Variants in SLC7A14 observed in about 807,000 individuals in gnomAD.
SLC7A14 encodes the protein gamma-aminobutyric acid transporter SLC7A14.
A neutral mutation model predicts 60.2 loss-of-function variants in SLC7A14; 37 were observed. The ratio of observed to expected loss-of-function variants is 0.61; its 90% CI spans 0.47 to 0.81. The LOEUF (loss-of-function observed/expected upper bound fraction) is 0.81. SLC7A14 is among the 30% of genes least tolerant of loss of function. The pLI is 0.00. For missense variants in SLC7A14, 886 were observed against 982.7 expected (o/e 0.90, Z 1.32); for synonymous variants, 399 against 395.8 (o/e 1.01, Z -0.10).
In SLC7A14 at chr3:170,486,385, A is replaced by G. The variant is rs760199199; in HGVS notation, c.760-17T>C. ...TTGCAGCACCTGTGTGGATGATGGC[A>G]TTTGTCAGACTCAGAAGATCGGGGT... is the stretch of plus-strand genomic sequence containing the variant. On this transcript the variant is annotated splice_polypyrimidine_tract_variant and intron_variant, in intron 4 of 7. Coordinates refer to ENST00000231706, the MANE Select transcript of SLC7A14 (RefSeq NM_020949.3). The G allele has an allele frequency of 1.9e-6, 3 of 1,614,150 alleles. No homozygotes were observed. In the South Asian group the frequency reaches 3.3e-5, roughly 18 times the overall value.
intron 1 of SLC7A14, among the ~76,000 whole-genome samples, chr3:170,560,952 T>A (rs552483282): frequency 6.6e-6 from 1 of 152,292 alleles, no homozygotes; most frequent in Non-Finnish European, 1.5e-5. Context: ...TAGTAAGTAA[T>A]AACCACTTTA....
chr3:170,460,141 C>T lies in SLC7A14; in HGVS notation c.*6914G>A, dbSNP rs569665066. On this transcript the variant is annotated 3_prime_UTR_variant, in exon 8 of 8. Coordinates refer to ENST00000231706, the MANE Select transcript of SLC7A14 (RefSeq NM_020949.3). Reference sequence around the variant, plus strand: ...CTTTAACAAATACAGCAATTTCATACCAAAAAAAGATAGCAGAGAACAACA... The same window carrying T: ...CTTTAACAAATACAGCAATTTCATATCAAAAAAAGATAGCAGAGAACAACA... 4.6e-5 allele frequency: 7 copies of T among 152,058 alleles called. No homozygotes were observed. In the South Asian group the frequency reaches 1.5e-3, roughly 32 times the overall value. The allele number at this position is 152,058 out of a possible 1,614,324, so 9.4% of individuals were successfully genotyped here. A position where few individuals can be genotyped will look rare whatever the true frequency, so the allele number is the denominator to read the frequency against.
intron 4 of SLC7A14, among the ~76,000 whole-genome samples, chr3:170,487,404 A>G (rs1712069867): frequency 6.6e-6 from 1 of 151,582 alleles, no homozygotes; most frequent in Non-Finnish European, 1.5e-5. Context: ...ATATTTTTGG[A>G]CTTGTGTGTA....
chr3:170,499,274 C>T (rs964599933), intron 3 of SLC7A14, among the ~76,000 whole-genome samples: 2 of 108,710 alleles, frequency 1.8e-5, no homozygotes, highest in African/African-American at 1.1e-4. Flanking sequence ...AAAAGAAGGG[C>T]AGTAAGTCTT....
intron 1 of SLC7A14, among the ~76,000 whole-genome samples, chr3:170,582,540 G>C (rs1381705379): frequency 3.3e-5 from 5 of 152,174 alleles, no homozygotes; most frequent in Non-Finnish European, 7.4e-5. Context: ...ACAGGGCCCA[G>C]AGCACCTCAG....
At chr3:170,486,405 CG>C (rs1712032732) in intron 4 of SLC7A14, 37 bp from the exon 5 acceptor site, 9 of 1,613,864 alleles carry the variant, frequency 5.6e-6, no homozygotes, top group Non-Finnish European at 7.6e-6. Flanking sequence ...CTCAGAAGAT[CG>C]GGGTGGCACC....
At chr3:170,523,914 A>C (rs1054195392) in intron 2 of SLC7A14, among the ~76,000 whole-genome samples, 20 of 152,276 alleles carry the variant, frequency 1.3e-4, no homozygotes, top group African/African-American at 4.6e-4. Context: ...CCTGCTATAA[A>C]TATGCTAACA....
Position 170,498,672 on chromosome 3 carries a change from A to G in SLC7A14, c.754T>C (p.Ser252Pro). The G allele has an allele frequency of 6.2e-7, 1 of 1,614,158 alleles. No individual in the cohort carries two copies. The highest frequency in any genetic ancestry group is 8.5e-7 in the Non-Finnish European group (1 of 1,180,024). Reference sequence around the variant, plus strand: ...GGTGTTTGGAACAAACTTACCCCTGACCAGCCGTGGGGCAAGAACTGGCCC... The same window carrying G: ...GGTGTTTGGAACAAACTTACCCCTGGCCAGCCGTGGGGCAAGAACTGGCCC... Reference protein sequence around the residue: ...AEGQFLPHGWSGVLQGAATCF... With the variant: ...AEGQFLPHGWPGVLQGAATCF... The change falls in exon 4 of 8, where the codon TCA becomes CCA. Residue 252 changes from serine (S) to proline (P), a missense_variant. Transcript: ENST00000231706.
At chr3:170,542,803 TTTA>T (rs1714061075) in intron 1 of SLC7A14, among the ~76,000 whole-genome samples, 1 of 152,186 alleles carries the variant, frequency 6.6e-6, no homozygotes, top group Non-Finnish European at 1.5e-5. Flanking sequence ...GGACATGTCC[TTTA>T]GAAGATTTTT....
At chr3:170,574,498 T>G (rs575396026) in intron 1 of SLC7A14, among the ~76,000 whole-genome samples, 160 of 152,356 alleles carry the variant, frequency 1.1e-3, no homozygotes, top group African/African-American at 3.7e-3. Flanking sequence ...TATTCTCAAA[T>G]GATGGGAGCC....
intron 3 of SLC7A14, among the ~76,000 whole-genome samples, chr3:170,499,372 G>C (rs1413184936): frequency 6.7e-6 from 1 of 150,344 alleles, no homozygotes; most frequent in African/African-American, 2.5e-5. Context: ...TTGCAAATGA[G>C]CAGGATTTGG....
chr3:170,474,423 C>T (rs2108265592), intron 7 of SLC7A14, among the ~76,000 whole-genome samples: 1 of 152,316 alleles, frequency 6.6e-6, no homozygotes, highest in South Asian at 2.1e-4. Flanking sequence ...CTCACGATTG[C>T]ATGATCCACC....
At chr3:170,496,785 A>C in intron 4 of SLC7A14, 1 of 715,010 alleles carries the variant, frequency 1.4e-6, no homozygotes, top group East Asian at 2.6e-5. Context: ...GCTCCAGCTC[A>C]TTCAGCCGCA....
intron 4 of SLC7A14, among the ~76,000 whole-genome samples, chr3:170,490,206 A>G (rs74368958): frequency 0.13 from 19,191 of 152,234 alleles, 1,354 homozygotes; most frequent in Admixed American, 0.19. Context: ...CATGTACCCC[A>G]TAAATATATA....
intron 4 of SLC7A14, chr3:170,496,546 G>T: frequency 6.3e-7 from 1 of 1,591,628 alleles, no homozygotes; most frequent in Admixed American, 1.7e-5. Flanking sequence ...CAGCAGCTGC[G>T]TGAGTACCAG....
intron 4 of SLC7A14, among the ~76,000 whole-genome samples, chr3:170,494,292 G>A (rs1712314097): frequency 6.6e-6 from 1 of 152,214 alleles, no homozygotes; most frequent in South Asian, 2.1e-4. Flanking sequence ...TTGTCACAAA[G>A]AAAATGTTCA....
intron 7 of SLC7A14, among the ~76,000 whole-genome samples, chr3:170,477,095 T>C (rs1379165756): frequency 6.6e-6 from 1 of 152,254 alleles, no homozygotes; most frequent in Non-Finnish European, 1.5e-5. Context: ...CCTGATGCTA[T>C]GTGTTAGGCT....
At chr3:170,568,234 C>T (rs1038755217) in intron 1 of SLC7A14, among the ~76,000 whole-genome samples, 2 of 152,124 alleles carry the variant, frequency 1.3e-5, no homozygotes, top group African/African-American at 4.8e-5. Context: ...TATGGCTAGC[C>T]AGTTTTCCCA....
Position 170,486,740 on chromosome 3 carries a change from C to T in SLC7A14, c.760-372G>A, listed in dbSNP as rs139673293. ...TACAAAAATTAGCCAGGCATGGTGA[C>T]GCGCACCTGTAATCTCAGCTATTCA... On this transcript the variant is annotated intron_variant, in intron 4 of 7. Transcript: ENST00000231706. Among the ~76,000 whole-genome samples the T allele has an allele frequency of 6.1e-4, 93 of 151,988 alleles. No homozygotes were observed. The East Asian group carries it at 0.012, about 20-fold the overall frequency.
Sources: allele counts gnomAD v4.1 joint callset (sites outside exome capture counted in the v4.1 genomes callset), GRCh38; gene constraint gnomAD v4.1.1; transcripts MANE v1.5; gene names NCBI Gene and HGNC (gene_info 2026-07-23, HGNC 2026-07-21).